Variants in RFX7 observed in about 807,000 individuals in gnomAD.
The protein encoded by RFX7 is DNA-binding protein RFX7.
In RFX7, 26 loss-of-function variants were observed where a neutral mutation model predicts 111.8. The observed-to-expected ratio is 0.23, with a 90% CI of 0.17 to 0.32. The LOEUF (loss-of-function observed/expected upper bound fraction) is 0.32, where lower values mean the gene tolerates loss of function less well. Ranked by LOEUF, RFX7 falls within the 10% of genes least tolerant of loss-of-function variation. The probability of loss-of-function intolerance (pLI) is 1.00; values close to 1 mark genes in which losing one functional copy is unlikely to be tolerated. For missense variants in RFX7, 1,573 were observed against 1,772.9 expected (o/e 0.89, Z 2.02); for synonymous variants, 624 against 624.4 (o/e 1.00, Z 0.01).
At position 56,102,196 on chromosome 15, in the gene RFX7, G is replaced by T; in HGVS notation, c.576C>A (p.Asn192Lys). 6.2e-7 allele frequency: 1 copy of T among 1,612,772 alleles called. No individual in the cohort carries two copies. The highest frequency in any genetic ancestry group is 8.5e-7 in the Non-Finnish European group (1 of 1,179,222). Residue 192 changes from asparagine (N) to lysine (K), a missense_variant, in exon 7 of 10, where the codon AAC (asparagine) becomes AAA (lysine). Asn to Lys is a moderately conservative substitution (Grantham distance 94). This residue lies in a region of RFX7 where 288 missense variants were observed against 337.9 expected (regional missense o/e 0.85). Transcript: ENST00000559447. ...CATCTCCAGTTTTGTGAAAGTCAAGGTTGGGCAGTGTTGGCATATGAACAA... is the reference window on the plus strand; with the variant it reads ...CATCTCCAGTTTTGTGAAAGTCAAGTTTGGGCAGTGTTGGCATATGAACAA... ...KAFVHMPTLP[N>K]LDFHKTGDGL...
intron 5 of RFX7, among the ~76,000 whole-genome samples, chr15:56,127,615 T>C (rs1389634124): frequency 6.6e-6 from 1 of 150,806 alleles, no homozygotes; most frequent in Non-Finnish European, 1.5e-5. Flanking sequence ...TGGCGCGATC[T>C]CGACTCACTG....
chr15:56,243,056 G>GCCCCCC, intron 2 of RFX7, 69 bp downstream of exon 2: 5 of 520,780 alleles, frequency 9.6e-6, no homozygotes, highest in Admixed American at 3.1e-5. Context: ...CCCGCCCGCC[G>GCCCCCC]CCCCCCACCC....
At chr15:56,183,797 G>C (rs1173253825) in intron 2 of RFX7, among the ~76,000 whole-genome samples, 2 of 151,672 alleles carry the variant, frequency 1.3e-5, no homozygotes, top group South Asian at 2.1e-4. Flanking sequence ...TAATGTTATA[G>C]GTTGAATGGG....
chr15:56,100,949 T>G (rs1387808619), intron 8 of RFX7, among the ~76,000 whole-genome samples: 1 of 152,174 alleles, frequency 6.6e-6, no homozygotes, highest in Non-Finnish European at 1.5e-5. Flanking sequence ...TAAGCATTAG[T>G]TTCTGGAATG....
intron 3 of RFX7, among the ~76,000 whole-genome samples, chr15:56,177,074 C>T (rs1257647346): frequency 2.0e-5 from 3 of 152,152 alleles, no homozygotes; most frequent in African/African-American, 7.2e-5. Context: ...CTATCATTCT[C>T]TACTTCCTTC....
intron 3 of RFX7, among the ~76,000 whole-genome samples, chr15:56,152,925 T>C (rs1238710100): frequency 1.4e-4 from 22 of 151,970 alleles, no homozygotes; most frequent in African/African-American, 5.1e-4. Context: ...GAGAATACTA[T>C]AAAAACCTCT....
At chr15:56,171,973 C>T (rs1189707676) in intron 3 of RFX7, among the ~76,000 whole-genome samples, 1 of 152,084 alleles carries the variant, frequency 6.6e-6, no homozygotes, top group Non-Finnish European at 1.5e-5. Flanking sequence ...TGCAAAGCAA[C>T]AGACACCCTT....
intron 5 of RFX7, among the ~76,000 whole-genome samples, chr15:56,125,983 C>G (rs1464535502): frequency 6.6e-6 from 1 of 152,068 alleles, no homozygotes; most frequent in Admixed American, 6.6e-5. Context: ...ATAGTTTATG[C>G]TTTTTACAGA....
intron 2 of RFX7, among the ~76,000 whole-genome samples, chr15:56,239,980 A>ATTTAT (rs752539407): frequency 9.7e-6 from 1 of 103,596 alleles, no homozygotes; most frequent in Non-Finnish European, 2.0e-5. Context: ...TTGCTTTGGT[A>ATTTAT]TTTCTTTTTT....
chr15:56,122,689 C>T (rs762449502), intron 5 of RFX7, among the ~76,000 whole-genome samples: 33 of 152,140 alleles, frequency 2.2e-4, no homozygotes, highest in Non-Finnish European at 3.5e-4. Flanking sequence ...GATCCAGAAA[C>T]CTTAGAAATC....
chr15:56,221,298 T>A (rs1181383123), intron 2 of RFX7, among the ~76,000 whole-genome samples: 1 of 152,228 alleles, frequency 6.6e-6, no homozygotes, highest in African/African-American at 2.4e-5. Flanking sequence ...CATTAATTCT[T>A]CCTATACATG....
intron 4 of RFX7, 129 bp from the exon 5 acceptor site, chr15:56,143,029 A>T: frequency 1.1e-6 from 1 of 932,952 alleles, no homozygotes; most frequent in Admixed American, 2.4e-5. Context: ...AACTTAGGAC[A>T]TCTAGTAGAT....
intron 3 of RFX7, among the ~76,000 whole-genome samples, chr15:56,155,474 T>A (rs890855503): frequency 2.6e-5 from 4 of 152,140 alleles, no homozygotes; most frequent in African/African-American, 9.7e-5. Flanking sequence ...GGGACATGGA[T>A]GAAGCTGGAA....
At chr15:56,224,162 T>C (rs1320822263) in intron 2 of RFX7, among the ~76,000 whole-genome samples, 1 of 152,086 alleles carries the variant, frequency 6.6e-6, no homozygotes, top group African/African-American at 2.4e-5. Context: ...TTAAAATTTT[T>C]GTAAAATTTT....
chr15:56,130,071 G>A (rs549382999), intron 5 of RFX7, among the ~76,000 whole-genome samples: 2 of 152,042 alleles, frequency 1.3e-5, no homozygotes, highest in African/African-American at 4.8e-5. Flanking sequence ...CCTAACATTT[G>A]TAAAGCAAAA....
intron 2 of RFX7, among the ~76,000 whole-genome samples, chr15:56,217,225 A>G (rs543733071): frequency 1.3e-5 from 2 of 152,310 alleles, no homozygotes; most frequent in African/African-American, 2.4e-5. Context: ...AGACAAATGT[A>G]TCTACTAAGA....
At chr15:56,187,015 T>G (rs1299299123) in intron 2 of RFX7, among the ~76,000 whole-genome samples, 1 of 152,204 alleles carries the variant, frequency 6.6e-6, no homozygotes, top group Non-Finnish European at 1.5e-5. Flanking sequence ...ATACTTTGAG[T>G]GTTTCAATTA....
intron 3 of RFX7, among the ~76,000 whole-genome samples, chr15:56,176,514 A>G (rs187850293): frequency 4.5e-4 from 68 of 152,338 alleles, no homozygotes; most frequent in African/African-American, 1.4e-3. Flanking sequence ...ATGGATTAAC[A>G]TATTCAAAAC....
intron 5 of RFX7, among the ~76,000 whole-genome samples, chr15:56,136,514 G>A (rs1446361755): frequency 1.1e-4 from 15 of 136,964 alleles, no homozygotes; most frequent in Non-Finnish European, 2.2e-4. Flanking sequence ...AGGAGATTTT[G>A]GGCTGAGACA....
Sources: gnomAD v4.1 joint callset for allele counts (sites outside exome capture counted in the v4.1 genomes callset) on GRCh38, gnomAD v4.1.1 for gene constraint, gnomAD v4.1.1 regional missense constraint, MANE v1.5 for transcripts, NCBI Gene and HGNC (gene_info 2026-07-23, HGNC 2026-07-21) for gene names.